Variants in DMD observed in about 807,000 individuals in gnomAD.
DMD encodes the protein dystrophin.
DMD carries 63 observed loss-of-function variants against 330.1 expected under a neutral mutation model. The ratio of observed to expected loss-of-function variants is 0.19; its 90% CI spans 0.16 to 0.24. The LOEUF is 0.24. DMD is among the 10% of genes least tolerant of loss of function. The probability of loss-of-function intolerance (pLI) is 1.00; values close to 1 mark genes in which losing one functional copy is unlikely to be tolerated. For synonymous variants in DMD, 1,223 were observed against 959.8 expected (o/e 1.27, Z -5.07); for missense variants, 3,344 against 2,684.1 (o/e 1.25, Z -5.43).
At chrX:32,119,457 C>T (rs1754792544) in intron 44 of DMD, among the ~76,000 whole-genome samples, 1 of 111,047 alleles carries the variant, frequency 9.0e-6, no homozygotes. Context: ...TGCAGCCTTT[C>T]GTATAACTAG....
At position 31,930,695 on chromosome X, in the gene DMD, G is replaced by A. The variant is rs550263883; in HGVS notation, c.6763-950C>T. On this transcript the variant is annotated intron_variant, in intron 46 of 78. Coordinates refer to ENST00000357033, the MANE Select transcript of DMD (RefSeq NM_004006.3). ...TGATGCAGAATATTTTCATCATCAC[G>A]GGAGTTCTATTTGAAAGCACTGATC... is the stretch of plus-strand genomic sequence containing the variant. Among the ~76,000 whole-genome samples, 39 of 112,075 alleles carry A rather than the reference G, an allele frequency of 3.5e-4. No homozygotes were observed. The South Asian group carries it at 4.8e-3, about 14-fold the overall frequency.
chrX:31,623,958 C>G (rs1372755203), intron 55 of DMD, among the ~76,000 whole-genome samples: 3 of 111,216 alleles, frequency 2.7e-5, no homozygotes, highest in Non-Finnish European at 3.8e-5. Context: ...TTGTGAAACT[C>G]TTGTGAAATA....
chrX:32,794,622 A>C (rs1232046467), intron 7 of DMD, among the ~76,000 whole-genome samples: 1 of 111,409 alleles, frequency 9.0e-6, no homozygotes, highest in African/African-American at 3.3e-5. Flanking sequence ...AAAAAGAACA[A>C]GACAAGGATG....
At chrX:32,431,682 G>A (rs1038195102) in intron 29 of DMD, among the ~76,000 whole-genome samples, 1 of 110,813 alleles carries the variant, frequency 9.0e-6, no homozygotes, top group Admixed American at 9.6e-5. Context: ...GTTTAATTTT[G>A]ATTTCTTTAT....
chrX:32,444,014 A>G, intron 27 of DMD, among the ~76,000 whole-genome samples: 1 of 110,703 alleles, frequency 9.0e-6, no homozygotes, highest in Non-Finnish European at 1.9e-5. Context: ...GAGGGAAATG[A>G]AAGTAGAAAG....
At chrX:32,175,297 A>T (rs2096902293) in intron 44 of DMD, among the ~76,000 whole-genome samples, 1 of 109,960 alleles carries the variant, frequency 9.1e-6, no homozygotes, top group Admixed American at 9.7e-5. Flanking sequence ...AAACGCACCA[A>T]TCAGCGCTCT....
intron 51 of DMD, among the ~76,000 whole-genome samples, chrX:31,752,627 T>A (rs993555571): frequency 9.0e-6 from 1 of 111,204 alleles, no homozygotes; most frequent in African/African-American, 3.3e-5. Flanking sequence ...GAAATCACAG[T>A]GTTTCTGTTT....
chrX:33,320,313 G>A (rs113204299), intron 1 of DMD, among the ~76,000 whole-genome samples: 32 of 111,390 alleles, frequency 2.9e-4, no homozygotes, highest in African/African-American at 1.0e-3. Context: ...AGAAGTAAGC[G>A]GGTTAGAGGG....
chrX:33,306,022 T>G (rs1039642985), intron 1 of DMD, among the ~76,000 whole-genome samples: 1 of 111,977 alleles, frequency 8.9e-6, no homozygotes, highest in Non-Finnish European at 1.9e-5. Context: ...TTCTAAGAAC[T>G]AGGCCTTGGG....
intron 7 of DMD, among the ~76,000 whole-genome samples, chrX:32,804,027 T>A (rs1007281236): frequency 1.8e-5 from 2 of 111,660 alleles, no homozygotes; most frequent in African/African-American, 6.5e-5. Context: ...TTCTGTCTCG[T>A]TGATCTGTCT....
At chrX:32,471,330 T>C (rs923180384) in intron 22 of DMD, among the ~76,000 whole-genome samples, 1 of 112,078 alleles carries the variant, frequency 8.9e-6, no homozygotes, top group Non-Finnish European at 1.9e-5. Context: ...AAATTATTTC[T>C]TTCATTTCCC....
chrX:32,260,784 C>A (rs1016142967), intron 43 of DMD, among the ~76,000 whole-genome samples: 2 of 93,079 alleles, frequency 2.1e-5, no homozygotes, highest in African/African-American at 6.8e-5. Flanking sequence ...ATGGCTTCTG[C>A]TTCTTCGAAT....
At position 32,166,098 on chromosome X, in the gene DMD, C is replaced by A. The variant is rs377236901; in HGVS notation, c.6438+50818G>T. Among the ~76,000 whole-genome samples, 127 of 111,170 alleles carry A rather than the reference C, an allele frequency of 1.1e-3. 1 individual carries two copies. Among genetic ancestry groups the A allele is most frequent in the African/African-American group, 4.1e-3 (126 of 30,580 alleles). ...GGTATGAAAACGGGCTAATACACTC[C>A]CTCTCTTGAGATTTCTGTTCAAATA... On this transcript the variant is annotated intron_variant, in intron 44 of 78. Coordinates refer to ENST00000357033, the MANE Select transcript of DMD (RefSeq NM_004006.3).
At chrX:31,983,181 A>T (rs2095488164) in intron 44 of DMD, among the ~76,000 whole-genome samples, 1 of 110,938 alleles carries the variant, frequency 9.0e-6, no homozygotes, top group Non-Finnish European at 1.9e-5. Flanking sequence ...GAAATAAGGG[A>T]AAATTGCTCT....
intron 1 of DMD, among the ~76,000 whole-genome samples, chrX:33,031,844 T>A (rs1012660736): frequency 2.2e-4 from 25 of 111,334 alleles, no homozygotes; most frequent in African/African-American, 8.2e-4. Flanking sequence ...AGATTTCCAG[T>A]CTGAAAAGAG....
chrX:31,445,462 A>G (rs1483782902), intron 59 of DMD, among the ~76,000 whole-genome samples: 3 of 112,274 alleles, frequency 2.7e-5, no homozygotes, highest in African/African-American at 9.7e-5. Context: ...CAAAGTAACA[A>G]GAAAAATATA....
intron 16 of DMD, among the ~76,000 whole-genome samples, chrX:32,553,370 G>A (rs2049803575): frequency 9.0e-6 from 1 of 110,673 alleles, no homozygotes; most frequent in African/African-American, 3.3e-5. Context: ...GAGAACACAC[G>A]GACTCAAAGA....
intron 64 of DMD, among the ~76,000 whole-genome samples, chrX:31,214,937 C>CTTTTTTTTTTTTTTTTTTT (rs761569710): frequency 1.6e-4 from 6 of 38,103 alleles, no homozygotes; most frequent in African/African-American, 3.5e-4. Context: ...TTTCTTTTTT[C>CTTTTTTTTTTTTTTTTTTT]TTTTTTTTTT....
intron 2 of DMD, among the ~76,000 whole-genome samples, chrX:32,897,504 A>G (rs2085833491): frequency 8.9e-6 from 1 of 111,920 alleles, no homozygotes; most frequent in Non-Finnish European, 1.9e-5. Flanking sequence ...AATCTTTCAT[A>G]CTTGTTCAAT....
Sources: gnomAD v4.1 joint callset for allele counts (sites outside exome capture counted in the v4.1 genomes callset) on GRCh38, gnomAD v4.1.1 for gene constraint, MANE v1.5 for transcripts, NCBI Gene and HGNC (gene_info 2026-07-23, HGNC 2026-07-21) for gene names.